ACYP2: variants seen among roughly 807,000 people sequenced by gnomAD.
ACYP2 encodes acylphosphatase-2.
In ACYP2, 12 loss-of-function variants were observed where a neutral mutation model predicts 11.2. That is an observed-to-expected ratio of 1.08 (90% confidence interval 0.69 to 1.74). ACYP2 has a LOEUF of 1.74. Among genes scored for constraint, ACYP2 ranks in the 40% most tolerant of loss-of-function variants. The pLI is 0.00. For synonymous variants in ACYP2, 43 were observed against 32.2 expected (o/e 1.33, Z -1.13); for missense variants, 134 against 101.9 (o/e 1.31, Z -1.35).
intron 2 of ACYP2, among the ~76,000 whole-genome samples, chr2:54,025,496 A>G (rs574195975): frequency 3.9e-5 from 6 of 152,340 alleles, no homozygotes; most frequent in African/African-American, 1.4e-4. Context: ...CTATTCAACA[A>G]ATGGTGCTGG....
At chr2:54,232,437 G>A (rs1277895113) in intron 6 of ACYP2, among the ~76,000 whole-genome samples, 1 of 152,058 alleles carries the variant, frequency 6.6e-6, no homozygotes, top group African/African-American at 2.4e-5. Context: ...GTCAATCAAC[G>A]GACAAGAGGA....
At chr2:54,244,697 TTC>T (rs200594865) in intron 6 of ACYP2, among the ~76,000 whole-genome samples, 4 of 152,090 alleles carry the variant, frequency 2.6e-5, no homozygotes, top group African/African-American at 9.7e-5. Flanking sequence ...CCTCATTTTA[TTC>T]TCTTTTAGAG....
chr2:54,006,437 G>A (rs1452243947), intron 2 of ACYP2, among the ~76,000 whole-genome samples: 2 of 151,838 alleles, frequency 1.3e-5, no homozygotes, highest in Admixed American at 6.6e-5. Context: ...ATGAGCCACC[G>A]CGCCCGGCCT....
At chr2:53,993,620 C>A (rs1672413641) in intron 2 of ACYP2, among the ~76,000 whole-genome samples, 1 of 151,580 alleles carries the variant, frequency 6.6e-6, no homozygotes, top group Non-Finnish European at 1.5e-5. Flanking sequence ...TCGCTTGAAC[C>A]TGGGAGGCAG....
At chr2:54,295,883 C>T (rs1411734589) in intron 6 of ACYP2, among the ~76,000 whole-genome samples, 5 of 152,130 alleles carry the variant, frequency 3.3e-5, no homozygotes, top group African/African-American at 1.2e-4. Flanking sequence ...ACCTCAGCCT[C>T]CCACATAGCT....
intron 2 of ACYP2, among the ~76,000 whole-genome samples, chr2:53,986,086 C>T (rs909828882): frequency 6.6e-6 from 1 of 151,976 alleles, no homozygotes; most frequent in African/African-American, 2.4e-5. Context: ...GAGATAATGC[C>T]ACTGCACTCC....
At chr2:54,089,100 A>G (rs983653585) in intron 4 of ACYP2, among the ~76,000 whole-genome samples, 4 of 152,182 alleles carry the variant, frequency 2.6e-5, no homozygotes, top group African/African-American at 4.8e-5. Context: ...CTCGAAATGG[A>G]GTTGAGAAAG....
chr2:54,207,205 G>A (rs1007692023), intron 6 of ACYP2, among the ~76,000 whole-genome samples: 5 of 150,682 alleles, frequency 3.3e-5, no homozygotes, highest in Admixed American at 2.6e-4. Context: ...GTGTGTGTGT[G>A]TATAAAGAGA....
chr2:54,226,407 A>G (rs1686013363), intron 6 of ACYP2, among the ~76,000 whole-genome samples: 1 of 152,234 alleles, frequency 6.6e-6, no homozygotes. Flanking sequence ...CTGAAAGGGC[A>G]GAGTCAGGAA....
At chr2:54,103,840 G>A (rs1478044294) in intron 4 of ACYP2, among the ~76,000 whole-genome samples, 1 of 152,222 alleles carries the variant, frequency 6.6e-6, no homozygotes, top group African/African-American at 2.4e-5. Flanking sequence ...GCAGCTTGAT[G>A]TTGCTCTGTA....
chr2:54,287,587 A>G (rs1449845052), intron 6 of ACYP2, among the ~76,000 whole-genome samples: 1 of 151,924 alleles, frequency 6.6e-6, no homozygotes, highest in Non-Finnish European at 1.5e-5. Context: ...TCTACTGGAC[A>G]TACCTTTGGA....
chr2:54,072,451 A>ATTCT (rs1026177621), intron 4 of ACYP2, among the ~76,000 whole-genome samples: 29 of 149,864 alleles, frequency 1.9e-4, no homozygotes, highest in African/African-American at 3.2e-4. Context: ...ACCTTTTGAA[A>ATTCT]TTCTTTCTTT....
At chr2:54,074,858 G>A (rs766393321) in intron 4 of ACYP2, among the ~76,000 whole-genome samples, 3 of 152,010 alleles carry the variant, frequency 2.0e-5, no homozygotes, top group Non-Finnish European at 2.9e-5. Flanking sequence ...GATTGGATGA[G>A]GTTCACTCAC....
chr2:54,237,435 G>A (rs1012161688), intron 6 of ACYP2, among the ~76,000 whole-genome samples: 1 of 152,128 alleles, frequency 6.6e-6, no homozygotes, highest in Non-Finnish European at 1.5e-5. Flanking sequence ...ACCCTTCAGT[G>A]TTGTCTTTAG....
At chr2:54,251,086 G>A (rs1015201467) in intron 6 of ACYP2, among the ~76,000 whole-genome samples, 2 of 152,148 alleles carry the variant, frequency 1.3e-5, no homozygotes, top group Admixed American at 1.3e-4. Context: ...GAACCATCAT[G>A]AGCCATTATT....
intron 4 of ACYP2, among the ~76,000 whole-genome samples, chr2:54,063,282 G>C (rs1676564508): frequency 6.6e-6 from 1 of 152,028 alleles, no homozygotes; most frequent in African/African-American, 2.4e-5. Context: ...CACTGCACCT[G>C]GCCATAATAA....
intron 6 of ACYP2, among the ~76,000 whole-genome samples, chr2:54,259,585 G>C (rs1687694310): frequency 6.6e-6 from 1 of 151,220 alleles, no homozygotes; most frequent in Non-Finnish European, 1.5e-5. Flanking sequence ...TATGAGGTCT[G>C]AGAATTGACC....
chr2:54,118,943 A>G (rs950592874), intron 4 of ACYP2, among the ~76,000 whole-genome samples: 1 of 151,408 alleles, frequency 6.6e-6, no homozygotes, highest in Admixed American at 6.6e-5. Flanking sequence ...TCATCCCTGT[A>G]ACTGCAATGG....
At chr2:54,121,871 C>A (rs72800751) in intron 4 of ACYP2, among the ~76,000 whole-genome samples, 2 of 152,186 alleles carry the variant, frequency 1.3e-5, no homozygotes, top group African/African-American at 4.8e-5. Flanking sequence ...ATCCCCTACA[C>A]GGCTACGCCT....
Sources: allele counts gnomAD v4.1 joint callset (sites outside exome capture counted in the v4.1 genomes callset), GRCh38; gene constraint gnomAD v4.1.1; transcripts MANE v1.5; gene names NCBI Gene and HGNC (gene_info 2026-07-23, HGNC 2026-07-21).